DPYSL2: variants seen among roughly 807,000 people sequenced by gnomAD.
The protein encoded by DPYSL2 is dihydropyrimidinase-related protein 2.
DPYSL2 carries 13 observed loss-of-function variants against 69.9 expected under a neutral mutation model. That is an observed-to-expected ratio of 0.19 (90% CI 0.12 to 0.30). The LOEUF is 0.30. Among genes scored for constraint, DPYSL2 ranks in the 10% least tolerant of loss-of-function variants. The pLI is 1.00. For synonymous variants in DPYSL2, 326 were observed against 359.1 expected, an observed-to-expected ratio of 0.91 and a Z score of 1.04; for missense variants, 587 against 918.9, an observed-to-expected ratio of 0.64 and a Z score of 4.67.
In DPYSL2 at chr8:26,614,709, A is replaced by G. The variant is rs747701834; in HGVS notation, c.629-9434A>G. 3.3e-5 allele frequency among the ~76,000 whole-genome samples: 5 copies of G among 152,186 alleles called. No individual in the cohort carries two copies. Among genetic ancestry groups the G allele is most frequent in the Non-Finnish European group, 7.3e-5 (5 of 68,030 alleles). On this transcript the variant is annotated intron_variant, in intron 3 of 13. Transcript: ENST00000521913. The surrounding 1 kb of genome is among the most constrained non-coding windows in gnomAD (Gnocchi z 4.9). ...GGTGCCACTTGATTTATATGAAGAT[A>G]CTGGTTTAGTTTTAAAAGCAAACTT... is the stretch of plus-strand genomic sequence containing the variant.
Position 26,605,131 on chromosome 8 carries a change from C to T in DPYSL2, c.629-19012C>T, listed in dbSNP as rs1196647443. Among the ~76,000 whole-genome samples, 1 of 152,144 alleles carries T rather than the reference C, an allele frequency of 6.6e-6. No individual in the cohort carries two copies. Among genetic ancestry groups the T allele is most frequent in the Non-Finnish European group, 1.5e-5 (1 of 68,022 alleles). Reference sequence around the variant, plus strand: ...TAACATCAGGTCCCTGGCCATGGGACTTGGGCAGGAGCACCAGGGCTGGCC... The same window carrying T: ...TAACATCAGGTCCCTGGCCATGGGATTTGGGCAGGAGCACCAGGGCTGGCC... On this transcript the variant is annotated intron_variant, in intron 3 of 13. Coordinates refer to ENST00000521913, the MANE Select transcript of DPYSL2 (RefSeq NM_001197293.3). This position sits in a 1 kb window ranked among gnomAD's most constrained non-coding sequence, Gnocchi z 4.1.
At chr8:26,528,973 G>A (rs531434357) in intron 1 of DPYSL2, among the ~76,000 whole-genome samples, 49 of 152,266 alleles carry the variant, frequency 3.2e-4, no homozygotes, top group Non-Finnish European at 5.6e-4. Flanking sequence ...GAGTTTAAGA[G>A]CTTCCTGAAG....
At chr8:26,625,311 A>T (rs935203659) in intron 4 of DPYSL2, among the ~76,000 whole-genome samples, 1 of 152,212 alleles carries the variant, frequency 6.6e-6, no homozygotes, top group African/African-American at 2.4e-5. Flanking sequence ...GAAAATAGGT[A>T]AACTTTGACT....
chr8:26,578,593 C>T (rs379266), intron 1 of DPYSL2: 1,010,255 of 1,285,688 alleles, frequency 0.79, 398,179 homozygotes, highest in East Asian at 0.93. Flanking sequence ...AGCGTCGGCC[C>T]GCGGGGTGCA....
Position 26,591,629 on chromosome 8 carries a change from C to T in DPYSL2, c.628+7646C>T, listed in dbSNP as rs571578286. On this transcript the variant is annotated intron_variant, in intron 3 of 13. Coordinates refer to ENST00000521913, the MANE Select transcript of DPYSL2 (RefSeq NM_001197293.3). The surrounding 1 kb of genome is among the most constrained non-coding windows in gnomAD (Gnocchi z 5.8). ...TTGTTGTCCCGGGGCAACCCTTTCT[C>T]ATGTGAAACCTTGCGTGGAACCCCC... Among the ~76,000 whole-genome samples, 11 of 152,306 alleles carry T rather than the reference C, an allele frequency of 7.2e-5. No homozygotes were observed. Among genetic ancestry groups the T allele is most frequent in the African/African-American group, 2.6e-4 (11 of 41,572 alleles).
chr8:26,514,162 TG>T lies in DPYSL2; in HGVS notation c.-161del. On this transcript the variant is annotated 5_prime_UTR_variant, in exon 1 of 14. Transcript: ENST00000521913. This position sits in a 1 kb window ranked among gnomAD's most constrained non-coding sequence, Gnocchi z 8.4. ...GGGTCAGGGGGAGGGACCGGGAGGG[TG>T]GGTCGCCGGCTCGCCAGCCCTCCTT... is the stretch of plus-strand genomic sequence containing the variant. 6.0e-6 allele frequency: 3 copies of T among 499,050 alleles called. No individual in the cohort carries two copies. Among genetic ancestry groups the T allele is most frequent in the South Asian group, 5.5e-5 (1 of 18,252 alleles). 30.9% of individuals were successfully genotyped at this position (499,050 alleles called of 1,614,324 possible).
In DPYSL2 at chr8:26,598,284, T is replaced by A. The variant is rs7001738; in HGVS notation, c.628+14301T>A. 6.6e-6 allele frequency among the ~76,000 whole-genome samples: 1 copy of A among 152,188 alleles called. No individual in the cohort carries two copies. Among genetic ancestry groups the A allele is most frequent in the East Asian group, 1.9e-4 (1 of 5,188 alleles). ...TCGCATTACATCATCTACCTTTTCT[T>A]GTGTTCTTCTGTCGTCGAGAATCAA... On this transcript the variant is annotated intron_variant, in intron 3 of 13. Transcript: ENST00000521913. The surrounding 1 kb of genome is among the most constrained non-coding windows in gnomAD (Gnocchi z 4.2).
intron 1 of DPYSL2, among the ~76,000 whole-genome samples, chr8:26,536,357 C>A (rs1275999342): frequency 1.3e-5 from 2 of 151,842 alleles, no homozygotes; most frequent in East Asian, 3.9e-4. Context: ...CTGTGTTTGG[C>A]TCATAATGTG....
At chr8:26,600,532 G>A (rs936449032) in intron 3 of DPYSL2, among the ~76,000 whole-genome samples, 2 of 152,090 alleles carry the variant, frequency 1.3e-5, no homozygotes, top group Non-Finnish European at 2.9e-5. Flanking sequence ...TTAATTTTAG[G>A]CTTTATTTTG....
At chr8:26,526,815 T>C (rs1193379441) in intron 1 of DPYSL2, among the ~76,000 whole-genome samples, 3 of 152,206 alleles carry the variant, frequency 2.0e-5, no homozygotes, top group Non-Finnish European at 2.9e-5. Context: ...GGGGGATCCA[T>C]GGGGCGCCTC....
In DPYSL2 at chr8:26,605,825, G is replaced by A. The variant is rs918827569; in HGVS notation, c.629-18318G>A. ...GAGTCTTAAATAAATTAAAAGAAAT[G>A]CTATGTTAGTGAACAGAAAAACCCA... On this transcript the variant is annotated intron_variant, in intron 3 of 13. Coordinates refer to ENST00000521913, the MANE Select transcript of DPYSL2 (RefSeq NM_001197293.3). This position sits in a 1 kb window ranked among gnomAD's most constrained non-coding sequence, Gnocchi z 4.1. Among the ~76,000 whole-genome samples the A allele has an allele frequency of 6.6e-6, 1 of 152,092 alleles. No individual in the cohort carries two copies. Among genetic ancestry groups the A allele is most frequent in the African/African-American group, 2.4e-5 (1 of 41,418 alleles).
chr8:26,631,428 T>G (rs992386598), intron 7 of DPYSL2, among the ~76,000 whole-genome samples: 2 of 152,168 alleles, frequency 1.3e-5, no homozygotes, highest in African/African-American at 4.8e-5. Flanking sequence ...AAGATCTGCA[T>G]GGGGGAAACC....
In DPYSL2 at chr8:26,580,631, T is replaced by C. The variant is rs1291315830; in HGVS notation, c.355-1338T>C. Among the ~76,000 whole-genome samples, 1 of 152,262 alleles carries C rather than the reference T, an allele frequency of 6.6e-6. No individual in the cohort carries two copies. The highest frequency in any genetic ancestry group is 6.5e-5 in the Admixed American group (1 of 15,288). ...AAAATTATCTTTTTTCCTTGCTCTC[T>C]AGTAGCTTATCTCTTTTTTAAAGAT... is the stretch of plus-strand genomic sequence containing the variant. On this transcript the variant is annotated intron_variant, in intron 1 of 13. Coordinates refer to ENST00000521913, the MANE Select transcript of DPYSL2 (RefSeq NM_001197293.3). This position sits in a 1 kb window ranked among gnomAD's most constrained non-coding sequence, Gnocchi z 4.1.
In DPYSL2 at chr8:26,583,785, C is replaced by T. The variant is rs1801538706; in HGVS notation, c.444-14C>T. ...TTTCATTTACAACCCTTATCACCAACCCTGTTTATTTAGGCAAATAGGAGA... is the reference window on the plus strand; with the variant it reads ...TTTCATTTACAACCCTTATCACCAATCCTGTTTATTTAGGCAAATAGGAGA... On this transcript the variant is annotated splice_polypyrimidine_tract_variant and intron_variant, in intron 2 of 13. Transcript: ENST00000521913. 1.2e-6 allele frequency: 2 copies of T among 1,603,760 alleles called. No individual in the cohort carries two copies. Among genetic ancestry groups the T allele is most frequent in the Non-Finnish European group, 1.7e-6 (2 of 1,174,874 alleles).
rs932449829 is a variant in DPYSL2 at position 26,516,602 on chromosome 8, A to C, written c.354+1923A>C. Among the ~76,000 whole-genome samples, 1 of 152,306 alleles carries C rather than the reference A, an allele frequency of 6.6e-6. No individual in the cohort carries two copies. Among genetic ancestry groups the C allele is most frequent in the Non-Finnish European group, 1.5e-5 (1 of 68,020 alleles). On this transcript the variant is annotated intron_variant, in intron 1 of 13. Transcript: ENST00000521913. The surrounding 1 kb of genome is among the most constrained non-coding windows in gnomAD (Gnocchi z 4.8). ...GCCATTTAGAAGCTTAGATATATGA[A>C]ATTCTAAATTGTAAAACTAAGGCAC...
chr8:26,573,504 T>TA (rs529420013), intron 1 of DPYSL2, among the ~76,000 whole-genome samples: 1 of 151,556 alleles, frequency 6.6e-6, no homozygotes, highest in Non-Finnish European at 1.5e-5. Flanking sequence ...CTGTCTCTAC[T>TA]AAAAAATACA....
chr8:26,599,350 G>C (rs763148040), intron 3 of DPYSL2, among the ~76,000 whole-genome samples: 2 of 152,132 alleles, frequency 1.3e-5, no homozygotes, highest in Non-Finnish European at 2.9e-5. Flanking sequence ...TAGGATTTCT[G>C]TCCATGATTG....
intron 1 of DPYSL2, among the ~76,000 whole-genome samples, chr8:26,553,795 A>G (rs189968811): frequency 6.6e-5 from 10 of 151,960 alleles, no homozygotes; most frequent in Non-Finnish European, 1.5e-4. Context: ...TTGAGGAATG[A>G]CCACACTACT....
rs1801641908 is a variant in DPYSL2, at chr8:26,587,947, G to A, written c.628+3964G>A. ...TTGCCAACACTTACCCTGTGCGTCG[G>A]TGCAGGTGGCCAGGTGTGGAACATA... On this transcript the variant is annotated intron_variant, in intron 3 of 13. Transcript: ENST00000521913. This position sits in a 1 kb window ranked among gnomAD's most constrained non-coding sequence, Gnocchi z 4.2. Among the ~76,000 whole-genome samples, 1 of 152,204 alleles carries A rather than the reference G, an allele frequency of 6.6e-6. No individual in the cohort carries two copies. The highest frequency in any genetic ancestry group is 6.5e-5 in the Admixed American group (1 of 15,288).
Sources: allele counts gnomAD v4.1 joint callset (sites outside exome capture counted in the v4.1 genomes callset), GRCh38; gene constraint gnomAD v4.1.1; non-coding constraint Gnocchi (gnomAD v3.1); transcripts MANE v1.5; gene names NCBI Gene and HGNC (gene_info 2026-07-23, HGNC 2026-07-21).